MEP1A: variants seen among roughly 807,000 people sequenced by gnomAD.
MEP1A encodes N-benzoyl-L-tyrosyl-P-amino-benzoic acid hydrolase subunit alpha.
Under a neutral mutation model 84.5 loss-of-function variants are expected in MEP1A, and 68 were observed. The observed-to-expected ratio is 0.80, with a 90% CI of 0.66 to 0.98. MEP1A has a LOEUF of 0.98. Ranked by LOEUF, MEP1A falls within the 50% of genes least tolerant of loss-of-function variation. The pLI, the probability that MEP1A is intolerant of heterozygous loss-of-function variation, is 0.00. For synonymous variants in MEP1A, 337 were observed against 336.8 expected (o/e 1.00, Z -0.01); for missense variants, 887 against 919.9 (o/e 0.96, Z 0.46).
At chr6:46,821,567 T>C (rs888922630) in intron 7 of MEP1A, among the ~76,000 whole-genome samples, 2 of 152,234 alleles carry the variant, frequency 1.3e-5, no homozygotes, top group African/African-American at 4.8e-5. Flanking sequence ...TTGTCTATAT[T>C]TGCCTGTAAG....
At position 46,839,150 on chromosome 6, in the gene MEP1A, A is replaced by G. The variant is rs1201530874; in HGVS notation, c.*14A>G. On this transcript the variant is annotated 3_prime_UTR_variant, in exon 14 of 14. Coordinates refer to ENST00000230588, the MANE Select transcript of MEP1A (RefSeq NM_005588.3). ...CCAAGGAAGTGACCTGCCTGCTGGCATTGGCCAGACCACAGCAGCACCTCC... is the reference window on the plus strand; with the variant it reads ...CCAAGGAAGTGACCTGCCTGCTGGCGTTGGCCAGACCACAGCAGCACCTCC... 1.9e-6 allele frequency: 3 copies of G among 1,609,950 alleles called. No individual in the cohort carries two copies. In the East Asian group the frequency reaches 6.7e-5, roughly 36 times the overall value.
rs1323557237 is a variant in MEP1A at position 46,793,570 on chromosome 6, G to T, written c.88G>T (p.Glu30Ter). The change falls in exon 2 of 14, where the codon GAA becomes TAA. Residue 30 changes from glutamate (E) to a stop codon, truncating the protein, a stop_gained. Transcript: ENST00000230588. LOFTEE classifies it high-confidence loss of function. ...AAVPIKYLPE[E>*]NVHDADFGEQ... ...TTTTCAGATTAAGTATCTTCCTGAA[G>T]AAAATGGTAAGAATTAGTTCAAATG... 4 of 1,550,692 alleles carry T rather than the reference G, an allele frequency of 2.6e-6. No homozygotes were observed. In the East Asian group the frequency reaches 9.1e-5, roughly 35 times the overall value.
At chr6:46,838,016 C>T (rs1247395120) in intron 13 of MEP1A, among the ~76,000 whole-genome samples, 3 of 151,648 alleles carry the variant, frequency 2.0e-5, no homozygotes, top group African/African-American at 7.3e-5. Context: ...CTCAGCCTCC[C>T]GAGTAGCTGG....
chr6:46,840,218 A>G (rs570027681), downstream of MEP1A, among the ~76,000 whole-genome samples: 9 of 152,290 alleles, frequency 5.9e-5, no homozygotes, highest in South Asian at 1.9e-3. Context: ...GAGATTAACA[A>G]GAGTTTCTTT....
At position 46,822,319 on chromosome 6, in the gene MEP1A, A is replaced by T. The variant is rs148648440; in HGVS notation, c.556+2615A>T. Among the ~76,000 whole-genome samples, 723 of 152,280 alleles carry T rather than the reference A, an allele frequency of 4.7e-3. 6 individuals are homozygous for T. Among genetic ancestry groups the T allele is most frequent in the Middle Eastern group, 0.024 (7 of 294 alleles). On this transcript the variant is annotated intron_variant, in intron 7 of 13. Coordinates refer to ENST00000230588, the MANE Select transcript of MEP1A (RefSeq NM_005588.3). ...TGCTGACTGATCCCTGGTTTACAGGATCGCATGCCCTGGATTACAGCCCCT... is the reference window on the plus strand; with the variant it reads ...TGCTGACTGATCCCTGGTTTACAGGTTCGCATGCCCTGGATTACAGCCCCT...
At chr6:46,843,541 C>T (rs1311162715), downstream of MEP1A, among the ~76,000 whole-genome samples, 3 of 152,146 alleles carry the variant, frequency 2.0e-5, no homozygotes, top group Admixed American at 6.5e-5. Context: ...TAAAGTTTTG[C>T]AACAGATATT....
chr6:46,820,262 A>G lies in MEP1A; in HGVS notation c.556+558A>G, dbSNP rs146791620. 7.2e-5 allele frequency among the ~76,000 whole-genome samples: 11 copies of G among 152,288 alleles called. No homozygotes were observed. In the East Asian group the frequency reaches 2.1e-3, roughly 29 times the overall value. The stretch of plus-strand genomic sequence containing the variant: ...CTGGGTTCTGATTAATCAAAGGTGA[A>G]TGTTTTTTTCTTCCTTGTTTCTAAG... On this transcript the variant is annotated intron_variant, in intron 7 of 13. Coordinates refer to ENST00000230588, the MANE Select transcript of MEP1A (RefSeq NM_005588.3).
chr6:46,834,979 C>A (rs1768179625), intron 12 of MEP1A, among the ~76,000 whole-genome samples: 2 of 152,128 alleles, frequency 1.3e-5, no homozygotes, highest in Admixed American at 6.5e-5. Context: ...TCAGAGGTAA[C>A]CGTTCACTGA....
downstream of MEP1A, among the ~76,000 whole-genome samples, chr6:46,843,651 C>A (rs1768370802): frequency 6.6e-6 from 1 of 152,268 alleles, no homozygotes; most frequent in South Asian, 2.1e-4. Context: ...TTTAACCTCC[C>A]CCAGGGTGTG....
At chr6:46,799,268 C>A in intron 5 of MEP1A, 87 bp downstream of exon 5, 1 of 853,766 alleles carries the variant, frequency 1.2e-6, no homozygotes, top group South Asian at 1.4e-5. Flanking sequence ...TTGGGAGTAA[C>A]CACCACGATC....
At chr6:46,814,998 G>C (rs1767600194) in intron 6 of MEP1A, among the ~76,000 whole-genome samples, 2 of 152,194 alleles carry the variant, frequency 1.3e-5, no homozygotes, top group South Asian at 4.1e-4. Context: ...TTTTTGTTTA[G>C]TGTGCTGGTT....
chr6:46,824,596 T>G (rs1767860215), intron 7 of MEP1A, among the ~76,000 whole-genome samples: 1 of 135,892 alleles, frequency 7.4e-6, no homozygotes, highest in Admixed American at 7.5e-5. Context: ...ATTATATATA[T>G]TAAATAGATG....
chr6:46,799,043 G>A, intron 4 of MEP1A, 63 bp from the exon 5 acceptor site: 1 of 975,592 alleles, frequency 1.0e-6, no homozygotes, highest in Non-Finnish European at 1.7e-6. Flanking sequence ...GTTTAGTGAA[G>A]GAGGAGGTCA....
At chr6:46,821,005 G>A (rs1157116894) in intron 7 of MEP1A, among the ~76,000 whole-genome samples, 1 of 152,152 alleles carries the variant, frequency 6.6e-6, no homozygotes, top group Non-Finnish European at 1.5e-5. Flanking sequence ...ATATATTGCA[G>A]TGCATCTATA....
At chr6:46,818,458 T>A (rs992362012) in intron 6 of MEP1A, among the ~76,000 whole-genome samples, 3 of 152,170 alleles carry the variant, frequency 2.0e-5, no homozygotes, top group African/African-American at 4.8e-5. Flanking sequence ...AAAATATAGA[T>A]CTTCATTTGA....
chr6:46,813,392 C>T (rs1202317906), intron 6 of MEP1A, among the ~76,000 whole-genome samples: 2 of 152,020 alleles, frequency 1.3e-5, no homozygotes, highest in Non-Finnish European at 2.9e-5. Flanking sequence ...AAAAGTGGTG[C>T]TAAGAGGAAA....
chr6:46,794,141 G>A (rs1334772747), intron 3 of MEP1A, among the ~76,000 whole-genome samples: 1 of 152,178 alleles, frequency 6.6e-6, no homozygotes, highest in African/African-American at 2.4e-5. Flanking sequence ...AGACTTAGGG[G>A]TGAGTGTAAA....
the MEP1A span, among the ~76,000 whole-genome samples, chr6:46,845,117 A>C: frequency 6.6e-6 from 1 of 152,180 alleles, no homozygotes; most frequent in South Asian, 2.1e-4. Context: ...TTCCTTTATA[A>C]ATTACCCAGT....
At position 46,835,525 on chromosome 6, in the gene MEP1A, A is replaced by C; in HGVS notation, c.2060A>C (p.Asn687Thr). The stretch of plus-strand genomic sequence containing the variant: ...TGCCAAAATGACGGCATCTGTGTGA[A>C]CGTGAAGGGGATGGCGAGCTGCAGG... ...NPCQNDGICV[N>T]VKGMASCRCI... The change falls in exon 13 of 14, where the codon AAC becomes ACC. Residue 687 changes from asparagine to threonine, a missense_variant. Transcript: ENST00000230588. 6.2e-7 allele frequency: 1 copy of C among 1,613,634 alleles called. No homozygotes were observed. The highest frequency in any genetic ancestry group is 8.5e-7 in the Non-Finnish European group (1 of 1,179,792).
Sources: gnomAD v4.1 joint callset for allele counts (sites outside exome capture counted in the v4.1 genomes callset) on GRCh38, gnomAD v4.1.1 for gene constraint, MANE v1.5 for transcripts, NCBI Gene and HGNC (gene_info 2026-07-23, HGNC 2026-07-21) for gene names.